Variants in TMEM132D observed in about 807,000 individuals in gnomAD.
TMEM132D encodes the protein mature OL transmembrane protein.
TMEM132D carries 21 observed loss-of-function variants against 62.3 expected under a neutral mutation model. The observed-to-expected ratio is 0.34, with a 90% CI of 0.24 to 0.49. The LOEUF is 0.49. Ranked by LOEUF, TMEM132D falls within the 20% of genes least tolerant of loss-of-function variation. TMEM132D has a pLI of 0.99. For synonymous variants in TMEM132D, 621 were observed against 575.6 expected (o/e 1.08, Z -1.13); for missense variants, 1,346 against 1,402.8 (o/e 0.96, Z 0.65).
chr12:129,543,480 A>G (rs1250851435), intron 2 of TMEM132D, among the ~76,000 whole-genome samples: 2 of 152,316 alleles, frequency 1.3e-5, no homozygotes, highest in South Asian at 4.2e-4. Flanking sequence ...AGTTGAAAAT[A>G]TCATAATTGA....
At chr12:129,497,582 G>A (rs775389086) in intron 3 of TMEM132D, among the ~76,000 whole-genome samples, 1 of 151,992 alleles carries the variant, frequency 6.6e-6, no homozygotes, top group Admixed American at 6.5e-5. Context: ...TCTGGAAATG[G>A]CAAATGTCTA....
In TMEM132D at chr12:129,290,178, G is replaced by A. The variant is rs146680706; in HGVS notation, c.1299+47456C>T. On this transcript the variant is annotated intron_variant, in intron 4 of 8. Transcript: ENST00000422113. ...CAACTTATTTTAAAATGAAAAGTTC[G>A]CAAGAGAGTCAATGTTTTTCCTCAC... 8.2e-4 allele frequency among the ~76,000 whole-genome samples: 124 copies of A among 152,004 alleles called. 1 individual carries two copies. Among genetic ancestry groups the A allele is most frequent in the Middle Eastern group, 6.8e-3 (2 of 294 alleles).
chr12:129,174,148 A>T lies in TMEM132D; in HGVS notation c.1443+35372T>A, dbSNP rs190888350. Among the ~76,000 whole-genome samples the T allele has an allele frequency of 3.9e-5, 6 of 152,262 alleles. No individual in the cohort carries two copies. In the East Asian group the frequency reaches 1.2e-3, roughly 29 times the overall value. ...AAGTTGCAGGATACATGTGCAGAACATGCAGGTTTGTTACATAGGTATATG... is the reference window on the plus strand; with the variant it reads ...AAGTTGCAGGATACATGTGCAGAACTTGCAGGTTTGTTACATAGGTATATG... On this transcript the variant is annotated intron_variant, in intron 5 of 8. Transcript: ENST00000422113.
intron 1 of TMEM132D, among the ~76,000 whole-genome samples, chr12:129,708,905 G>C (rs767177859): frequency 2.0e-5 from 3 of 152,210 alleles, no homozygotes; most frequent in Non-Finnish European, 4.4e-5. Context: ...ATAATACGTT[G>C]AAAAACCACA....
intron 1 of TMEM132D, among the ~76,000 whole-genome samples, chr12:129,743,561 G>C (rs775561541): frequency 6.6e-6 from 1 of 152,082 alleles, no homozygotes; most frequent in Non-Finnish European, 1.5e-5. Context: ...TTATAAATTT[G>C]CCAGTTTCAG....
At chr12:129,432,980 T>A (rs1214039837) in intron 3 of TMEM132D, among the ~76,000 whole-genome samples, 1 of 152,142 alleles carries the variant, frequency 6.6e-6, no homozygotes, top group African/African-American at 2.4e-5. Flanking sequence ...CAACATAGGG[T>A]AGTTTCATCT....
chr12:129,275,578 C>T (rs1880981664), intron 4 of TMEM132D, among the ~76,000 whole-genome samples: 1 of 152,184 alleles, frequency 6.6e-6, no homozygotes, highest in South Asian at 2.1e-4. Flanking sequence ...ATAAGTCATT[C>T]TAGACAGATA....
chr12:129,367,017 C>T (rs1193453084), intron 3 of TMEM132D, among the ~76,000 whole-genome samples: 1 of 152,156 alleles, frequency 6.6e-6, no homozygotes, highest in Admixed American at 6.5e-5. Context: ...TCTGAGACAA[C>T]GAATGGACTG....
At chr12:129,563,127 C>G (rs1248023480) in intron 2 of TMEM132D, among the ~76,000 whole-genome samples, 1 of 151,990 alleles carries the variant, frequency 6.6e-6, no homozygotes, top group Non-Finnish European at 1.5e-5. Flanking sequence ...TTTTTTGAGG[C>G]CAGGGGTGCT....
In TMEM132D at chr12:129,859,461, A is replaced by G. The variant is rs570327269; in HGVS notation, c.79+43800T>C. 1.1e-4 allele frequency among the ~76,000 whole-genome samples: 17 copies of G among 152,306 alleles called. No homozygotes were observed. In the South Asian group the frequency reaches 3.5e-3, roughly 32 times the overall value. Reference sequence around the variant, plus strand: ...AAAATTACAACATGTGATGGTTAATATTGGATGTCAACGTGATTGAAGGAT... The same window carrying G: ...AAAATTACAACATGTGATGGTTAATGTTGGATGTCAACGTGATTGAAGGAT... On this transcript the variant is annotated intron_variant, in intron 1 of 8. Transcript: ENST00000422113.
chr12:129,875,850 CA>C (rs1435869482), intron 1 of TMEM132D, among the ~76,000 whole-genome samples: 7 of 152,088 alleles, frequency 4.6e-5, no homozygotes, highest in Admixed American at 2.0e-4. Flanking sequence ...AAAACAACAC[CA>C]ACAAAATTCT....
intron 4 of TMEM132D, among the ~76,000 whole-genome samples, chr12:129,291,538 C>G (rs959937394): frequency 1.3e-5 from 2 of 152,180 alleles, no homozygotes; most frequent in Non-Finnish European, 2.9e-5. Flanking sequence ...GATGGGTCAA[C>G]TTTCAAGGAA....
chr12:129,156,603 G>T (rs1488016274), intron 5 of TMEM132D, among the ~76,000 whole-genome samples: 1 of 151,752 alleles, frequency 6.6e-6, no homozygotes, highest in Non-Finnish European at 1.5e-5. Flanking sequence ...CCAATGGAGT[G>T]AATCCACTCC....
At chr12:129,677,756 C>T (rs541346050) in intron 2 of TMEM132D, among the ~76,000 whole-genome samples, 1 of 152,058 alleles carries the variant, frequency 6.6e-6, no homozygotes, top group Admixed American at 6.5e-5. Context: ...TTCTGATGTC[C>T]CTGCGTGACC....
Position 129,659,067 on chromosome 12 carries a change from AT to A in TMEM132D, c.968+40742del, listed in dbSNP as rs11383730. ...AGGTACATATAACAATACATGGCTA[AT>A]TTTTTTTTTGTTGTTTGTTTGTTTG... On this transcript the variant is annotated intron_variant, in intron 2 of 8. Coordinates refer to ENST00000422113, the MANE Select transcript of TMEM132D (RefSeq NM_133448.3). Among the ~76,000 whole-genome samples the A allele has an allele frequency of 9.7e-3, 1,463 of 150,088 alleles. 45 individuals are homozygous for A. In the South Asian group the frequency reaches 0.11, roughly 12 times the overall value.
At chr12:129,412,583 G>A (rs571798828) in intron 3 of TMEM132D, among the ~76,000 whole-genome samples, 1 of 152,260 alleles carries the variant, frequency 6.6e-6, no homozygotes, top group East Asian at 1.9e-4. Flanking sequence ...GGGGCCGGGT[G>A]CGGTGGCTCA....
chr12:129,352,562 A>G (rs1381610507), intron 3 of TMEM132D, among the ~76,000 whole-genome samples: 1 of 152,114 alleles, frequency 6.6e-6, no homozygotes, highest in Non-Finnish European at 1.5e-5. Flanking sequence ...ACAAATTTAC[A>G]AGAAAAAAAC....
rs758406702 is a variant in TMEM132D at position 129,209,498 on chromosome 12, GGGC to G, written c.1443+19_1443+21del. The G allele has an allele frequency of 6.2e-7, 1 of 1,612,972 alleles. No homozygotes were observed. Among genetic ancestry groups the G allele is most frequent in the African/African-American group, 1.3e-5 (1 of 75,022 alleles). On this transcript the variant is annotated intron_variant, in intron 5 of 8. Transcript: ENST00000422113. ...CTGACATGACAGCAGGTTTCTGCAG[GGGC>G]GGGGAGGTGTCAACTTGCCTTAATC...
chr12:129,316,117 T>G (rs116309730), intron 4 of TMEM132D, among the ~76,000 whole-genome samples: 1 of 152,116 alleles, frequency 6.6e-6, no homozygotes. Flanking sequence ...GTCTTTTGTA[T>G]TTTTGTTGTT....
Sources: gnomAD v4.1 joint callset for allele counts (sites outside exome capture counted in the v4.1 genomes callset) on GRCh38, gnomAD v4.1.1 for gene constraint, MANE v1.5 for transcripts, NCBI Gene and HGNC (gene_info 2026-07-23, HGNC 2026-07-21) for gene names.